The following CREB5 variants were observed in gnomAD, a reference collection of about 807,000 sequenced individuals.
The protein encoded by CREB5 is cAMP responsive element binding protein 5.
Under a neutral mutation model 57.1 loss-of-function variants are expected in CREB5, and 19 were observed. The observed-to-expected ratio is 0.33, with a 90% CI of 0.23 to 0.49. CREB5 has a LOEUF of 0.49. CREB5 is among the 20% of genes least tolerant of loss of function. The pLI is 0.99. For synonymous variants in CREB5, 238 were observed against 238.3 expected (o/e 1.00, Z 0.01); for missense variants, 579 against 671.6 (o/e 0.86, Z 1.52).
rs1785086498 is a variant in CREB5, at chr7:28,300,750, T to G, written c.-25+1309T>G. On this transcript the variant is annotated intron_variant, in intron 1 of 9. Coordinates refer to the CREB5 transcript ENST00000396299. ...ATATGATTTTTTTATAGACTCATCT[T>G]TCTGTAGGACAGTGGTTATCAAACT... is the stretch of plus-strand genomic sequence containing the variant. Among the ~76,000 whole-genome samples, 3 of 152,336 alleles carry G rather than the reference T, an allele frequency of 2.0e-5. No homozygotes were observed. In the South Asian group the frequency reaches 6.2e-4, roughly 32 times the overall value.
At chr7:28,567,060 G>A (rs746503891) in intron 4 of CREB5, among the ~76,000 whole-genome samples, 5 of 152,180 alleles carry the variant, frequency 3.3e-5, no homozygotes, top group Non-Finnish European at 7.3e-5. Context: ...CGCAGCATAA[G>A]TCAGTTTTCT....
Position 28,494,973 on chromosome 7 carries a change from C to T in CREB5, c.143C>T (p.Ser48Leu). Reference protein sequence around the residue: ...HKHEMTLKFPSIKTDNMLSDQ... With the variant: ...HKHEMTLKFPLIKTDNMLSDQ... ...CATGAAATGACTTTGAAGTTTCCTT[C>T]AATAAAAACAGACAATATGTTATCA... The change falls in exon 3 of 11, where the codon TCA (serine) becomes TTA (leucine). Residue 48 changes from serine to leucine, a missense_variant. By Grantham distance (145) the Ser-to-Leu change is moderately radical (BLOSUM62 -2). Around this residue, in one of 3 missense-constraint regions of CREB5, gnomAD observed 459 missense variants for 515.7 expected, o/e 0.89. Transcript: ENST00000357727. 1 of 1,607,584 alleles carries T rather than the reference C, an allele frequency of 6.2e-7. No individual in the cohort carries two copies. The highest frequency in any genetic ancestry group is 8.5e-7 in the Non-Finnish European group (1 of 1,178,394).
chr7:28,362,319 G>A (rs1489083927), intron 1 of CREB5, among the ~76,000 whole-genome samples: 1 of 152,094 alleles, frequency 6.6e-6, no homozygotes, highest in Non-Finnish European at 1.5e-5. Context: ...TTTAATTTAG[G>A]TTGTTTCTCT....
intron 1 of CREB5, among the ~76,000 whole-genome samples, chr7:28,403,949 T>A (rs1324390654): frequency 6.6e-6 from 1 of 152,224 alleles, no homozygotes; most frequent in Non-Finnish European, 1.5e-5. Flanking sequence ...CATCTTTACA[T>A]CCTGCACTGC....
intron 1 of CREB5, among the ~76,000 whole-genome samples, chr7:28,426,108 T>A (rs1381711383): frequency 6.6e-6 from 1 of 152,198 alleles, no homozygotes; most frequent in Non-Finnish European, 1.5e-5. Context: ...CGATTCCCCC[T>A]ATTAACTGAG....
chr7:28,701,799 G>A lies in CREB5; in HGVS notation c.465-16954G>A, dbSNP rs543984824. ...GATTTTTTACCATCTTCCTTGATCT[G>A]GAAGGAATTGTATCAGTTTCCAGGA... On this transcript the variant is annotated intron_variant, in intron 5 of 10. Coordinates refer to ENST00000357727, the MANE Select transcript of CREB5 (RefSeq NM_182898.4). Among the ~76,000 whole-genome samples, 23 of 152,174 alleles carry A rather than the reference G, an allele frequency of 1.5e-4. No individual in the cohort carries two copies. The East Asian group carries it at 2.7e-3, about 18-fold the overall frequency.
chr7:28,309,236 C>G (rs1225143773), intron 1 of CREB5, among the ~76,000 whole-genome samples: 1 of 152,200 alleles, frequency 6.6e-6, no homozygotes, highest in African/African-American at 2.4e-5. Context: ...TCTCTCAATG[C>G]ACACAAGCTA....
chr7:28,687,937 T>C (rs1562572400), intron 5 of CREB5, among the ~76,000 whole-genome samples: 1 of 152,156 alleles, frequency 6.6e-6, no homozygotes. Flanking sequence ...TAGAAGCTCC[T>C]CCCCGCATGG....
At chr7:28,705,298 G>T (rs1393751988) in intron 5 of CREB5, among the ~76,000 whole-genome samples, 1 of 151,242 alleles carries the variant, frequency 6.6e-6, no homozygotes. Context: ...GGGAAGCAGA[G>T]GTTGCAGTGA....
At chr7:28,792,089 G>T (rs911456142) in intron 7 of CREB5, among the ~76,000 whole-genome samples, 1 of 152,218 alleles carries the variant, frequency 6.6e-6, no homozygotes, top group Admixed American at 6.5e-5. Flanking sequence ...CTGATCACTT[G>T]AGGCCAGGGG....
chr7:28,742,064 TAAAA>T (rs58431827), intron 7 of CREB5, among the ~76,000 whole-genome samples: 2 of 111,388 alleles, frequency 1.8e-5, no homozygotes, highest in Non-Finnish European at 1.8e-5. Flanking sequence ...AGATTCCCTC[TAAAA>T]AAAAAAAAAA....
chr7:28,741,670 A>G (rs941144316), intron 7 of CREB5, among the ~76,000 whole-genome samples: 1 of 152,356 alleles, frequency 6.6e-6, no homozygotes, highest in Middle Eastern at 3.4e-3. Context: ...CAGAGGAATG[A>G]TGATCGTATG....
chr7:28,459,853 T>C (rs899443714), intron 1 of CREB5, among the ~76,000 whole-genome samples: 5 of 152,222 alleles, frequency 3.3e-5, no homozygotes. Context: ...TTCATATATA[T>C]TATCTTGTTT....
intron 1 of CREB5, among the ~76,000 whole-genome samples, chr7:28,348,705 G>T (rs918625671): frequency 1.3e-5 from 2 of 152,002 alleles, no homozygotes; most frequent in African/African-American, 4.8e-5. Context: ...TTTCCTAAAG[G>T]GTTCCCAAAG....
intron 1 of CREB5, among the ~76,000 whole-genome samples, chr7:28,479,108 T>G (rs1463895383): frequency 1.3e-5 from 2 of 152,182 alleles, no homozygotes; most frequent in Non-Finnish European, 2.9e-5. Context: ...GGTCTTTGTT[T>G]TCATTGTCTC....
At chr7:28,565,896 G>C (rs160348) in intron 4 of CREB5, among the ~76,000 whole-genome samples, 102,139 of 152,068 alleles carry the variant, frequency 0.67, 34,854 homozygotes, top group African/African-American at 0.79. Context: ...ACTCCAGCCT[G>C]GGTGACAGAG....
intron 1 of CREB5, among the ~76,000 whole-genome samples, chr7:28,307,151 A>G (rs1476843710): frequency 6.6e-6 from 1 of 152,178 alleles, no homozygotes; most frequent in East Asian, 1.9e-4. Context: ...TCCCTTGGCC[A>G]TGGCAGATGT....
intron 5 of CREB5, among the ~76,000 whole-genome samples, chr7:28,580,603 TAGAC>T (rs1199373398): frequency 1.0e-4 from 9 of 89,782 alleles, no homozygotes; most frequent in African/African-American, 2.6e-4. Flanking sequence ...GAGAGAGAGA[TAGAC>T]AGATTTTTAT....
rs539990367 is a variant in CREB5 at position 28,591,642 on chromosome 7, G to T, written c.464+21105G>T. Among the ~76,000 whole-genome samples, 25 of 152,264 alleles carry T rather than the reference G, an allele frequency of 1.6e-4. 1 individual carries two copies. The highest frequency in any genetic ancestry group is 5.8e-4 in the African/African-American group (24 of 41,560). ...CTTCCAGAAGGTGGACAGGGGCTAAGGGAGACTGGTTGTTAGTGCTATCAG... is the reference window on the plus strand; with the variant it reads ...CTTCCAGAAGGTGGACAGGGGCTAATGGAGACTGGTTGTTAGTGCTATCAG... On this transcript the variant is annotated intron_variant, in intron 5 of 10. Transcript: ENST00000357727.
Sources: gnomAD v4.1 joint callset for allele counts (sites outside exome capture counted in the v4.1 genomes callset) on GRCh38, gnomAD v4.1.1 for gene constraint, gnomAD v4.1.1 regional missense constraint, MANE v1.5 for transcripts, NCBI Gene and HGNC (gene_info 2026-07-23, HGNC 2026-07-21) for gene names.